TMEM245: variants seen among roughly 807,000 people sequenced by gnomAD.
The protein encoded by TMEM245 is protein CG-2.
TMEM245 carries 69 observed loss-of-function variants against 101.2 expected under a neutral mutation model. The ratio of observed to expected loss-of-function variants is 0.68; its 90% CI spans 0.56 to 0.83. The LOEUF (loss-of-function observed/expected upper bound fraction) is 0.83, where lower values mean the gene tolerates loss of function less well. Ranked by LOEUF, TMEM245 falls within the 40% of genes least tolerant of loss-of-function variation. TMEM245 has a pLI of 0.00. For synonymous variants in TMEM245, 537 were observed against 449.8 expected, an observed-to-expected ratio of 1.19 and a Z score of -2.45; for missense variants, 1,075 against 1,092.8, an observed-to-expected ratio of 0.98 and a Z score of 0.23.
At position 109,033,450 on chromosome 9, in the gene TMEM245, G is replaced by A. The variant is rs1256176819; in HGVS notation, c.2451C>T (p.Tyr817=). Residue 817 remains tyrosine, a synonymous_variant, in exon 17 of 18, where the codon TAC becomes TAT. Coordinates refer to ENST00000374586, the MANE Select transcript of TMEM245 (RefSeq NM_032012.4). ...CGATGATTGCTCCTTCCAGGCCTAG[G>A]TAGTATGCTCCACCGGCCACTGCCA... The part of the protein sequence containing the change: ...TGLAVAGGAY[Y]LGLEGAIIGP... The A allele has an allele frequency of 2.5e-6, 4 of 1,613,566 alleles. No individual in the cohort carries two copies. In the South Asian group the frequency reaches 4.4e-5, roughly 18 times the overall value.
chr9:109,091,972 T>C (rs981239001), intron 4 of TMEM245, among the ~76,000 whole-genome samples: 9 of 152,186 alleles, frequency 5.9e-5, no homozygotes, highest in African/African-American at 1.7e-4. Context: ...TCACGTTGAA[T>C]GTGTGGATTG....
Position 109,094,921 on chromosome 9 carries a change from T to C in TMEM245, c.800-1330A>G, listed in dbSNP as rs969026673. Among the ~76,000 whole-genome samples the C allele has an allele frequency of 3.3e-5, 5 of 152,094 alleles. No individual in the cohort carries two copies. The East Asian group carries it at 9.6e-4, about 29-fold the overall frequency. On this transcript the variant is annotated intron_variant, in intron 3 of 17. Coordinates refer to ENST00000374586, the MANE Select transcript of TMEM245 (RefSeq NM_032012.4). ...AAAGCCGATGAATTTCAGCTCCAAG[T>C]TAATTAACTCCACATACCCAAATAT...
intron 3 of TMEM245, among the ~76,000 whole-genome samples, chr9:109,094,509 A>G (rs1830088699): frequency 6.6e-6 from 1 of 152,230 alleles, no homozygotes; most frequent in Admixed American, 6.5e-5. Context: ...GTTTTTCCGC[A>G]GCAACTTAGC....
At chr9:109,072,197 C>T (rs1007619369) in intron 9 of TMEM245, among the ~76,000 whole-genome samples, 1 of 152,204 alleles carries the variant, frequency 6.6e-6, no homozygotes, top group East Asian at 1.9e-4. Context: ...TGTTCCCATA[C>T]TCAGAGCAAG....
chr9:109,033,331 G>A lies in TMEM245; in HGVS notation c.2570C>T (p.Thr857Ile). Residue 857 changes from threonine (T) to isoleucine (I), a missense_variant, in exon 17 of 18, where the codon ACC becomes ATC. This residue lies in a region of TMEM245 where 267 missense variants were observed against 351.3 expected (regional missense o/e 0.76). Transcript: ENST00000374586. Reference protein sequence around the residue: ...PTNSVPTPNQTPWPAQPQRTF... With the variant: ...PTNSVPTPNQIPWPAQPQRTF... ...CCGCTGAGGCTGAGCAGGCCATGGGGTCTGGTTTGGCGTGGGAACTGAATT... is the reference window on the plus strand; with the variant it reads ...CCGCTGAGGCTGAGCAGGCCATGGGATCTGGTTTGGCGTGGGAACTGAATT... The A allele has an allele frequency of 6.2e-7, 1 of 1,612,244 alleles. No homozygotes were observed. The highest frequency in any genetic ancestry group is 1.1e-5 in the South Asian group (1 of 90,694).
intron 17 of TMEM245, among the ~76,000 whole-genome samples, chr9:109,021,328 T>C (rs1467813833): frequency 6.6e-6 from 1 of 152,220 alleles, no homozygotes. Flanking sequence ...ACACCAAGGC[T>C]GGCAGTACAT....
chr9:109,113,376 G>C lies in TMEM245; in HGVS notation c.580-4806C>G, dbSNP rs147130205. 2.0e-3 allele frequency among the ~76,000 whole-genome samples: 302 copies of C among 152,308 alleles called. 3 individuals carry two copies. The highest frequency in any genetic ancestry group is 6.7e-3 in the African/African-American group (277 of 41,566). On this transcript the variant is annotated intron_variant, in intron 1 of 17. Coordinates refer to ENST00000374586, the MANE Select transcript of TMEM245 (RefSeq NM_032012.4). ...AGCCTCTGAGCAAACCTATTCAAGT[G>C]TGAATTTTATTCCAGGCATTAAATC...
intron 16 of TMEM245, among the ~76,000 whole-genome samples, chr9:109,034,351 T>A (rs879858094): frequency 6.6e-6 from 1 of 152,264 alleles, no homozygotes; most frequent in Non-Finnish European, 1.5e-5. Context: ...ATTATATTCA[T>A]AATGTGTTTG....
At chr9:109,073,000 T>A (rs536374693) in intron 9 of TMEM245, among the ~76,000 whole-genome samples, 1 of 152,360 alleles carries the variant, frequency 6.6e-6, no homozygotes, top group East Asian at 1.9e-4. Context: ...TAACCTTTGA[T>A]CTTGTTTCCT....
chr9:109,093,512 T>C lies in TMEM245; in HGVS notation c.879A>G (p.Glu293=). The stretch of plus-strand genomic sequence containing the variant: ...TGGAGGGCTGGTCTTCACTGCTTGA[T>C]TCATACCCTGTGATAGAGATGGCCA... ...ANLAISITGY[E]SSSEDQPSTQ... is the part of the protein sequence containing the mutation. The change falls in exon 4 of 18, where the codon GAA becomes GAG. Residue 293 remains glutamate (E), a synonymous_variant. Transcript: ENST00000374586. 4 of 1,614,106 alleles carry C rather than the reference T, an allele frequency of 2.5e-6. No homozygotes were observed. Among genetic ancestry groups the C allele is most frequent in the Non-Finnish European group, 3.4e-6 (4 of 1,180,000 alleles).
At chr9:109,029,276 A>G (rs1249617805) in intron 17 of TMEM245, among the ~76,000 whole-genome samples, 1 of 152,240 alleles carries the variant, frequency 6.6e-6, no homozygotes, top group Non-Finnish European at 1.5e-5. Flanking sequence ...AGAAAAGGAA[A>G]TCATGAAACA....
intron 10 of TMEM245, among the ~76,000 whole-genome samples, chr9:109,061,717 C>T (rs1442458342): frequency 5.9e-5 from 9 of 151,888 alleles, no homozygotes; most frequent in Admixed American, 5.3e-4. Context: ...TACAGGTGTG[C>T]GCCCCCACAC....
At chr9:109,073,269 C>T (rs1368618892) in intron 9 of TMEM245, 87 bp downstream of exon 9, 2 of 960,562 alleles carry the variant, frequency 2.1e-6, no homozygotes, top group East Asian at 2.4e-5. Context: ...TCTTCCAATG[C>T]AGCTGCATCA....
rs555192977 is a variant in TMEM245, at chr9:109,037,931, G to A, written c.2224+86C>T. ...CCAAAAAATTTAGTTTTTTAAACTTGAGGAAGTAGACATTTCCTAGATGTA... is the reference window on the plus strand; with the variant it reads ...CCAAAAAATTTAGTTTTTTAAACTTAAGGAAGTAGACATTTCCTAGATGTA... On this transcript the variant is annotated intron_variant, in intron 15 of 17. Transcript: ENST00000374586. 10 of 1,117,108 alleles carry A rather than the reference G, an allele frequency of 9.0e-6. No individual in the cohort carries two copies. The East Asian group carries it at 2.4e-4, about 27-fold the overall frequency. The allele number at this position is 1,117,108 out of a possible 1,614,324, so 69.2% of individuals were successfully genotyped here. A position where few individuals can be genotyped will look rare whatever the true frequency, so the allele number is the denominator to read the frequency against.
chr9:109,116,032 T>C (rs1830716019), intron 1 of TMEM245, among the ~76,000 whole-genome samples: 1 of 152,154 alleles, frequency 6.6e-6, no homozygotes, highest in Non-Finnish European at 1.5e-5. Context: ...CATAAGACAT[T>C]GAGAGAATGA....
chr9:109,077,486 T>C (rs781669808), intron 8 of TMEM245, among the ~76,000 whole-genome samples: 1 of 152,226 alleles, frequency 6.6e-6, no homozygotes, highest in Non-Finnish European at 1.5e-5. Context: ...TATTATTTTC[T>C]AACTACTTAT....
intron 12 of TMEM245, among the ~76,000 whole-genome samples, chr9:109,055,930 G>A (rs1035688720): frequency 2.0e-5 from 3 of 152,064 alleles, no homozygotes; most frequent in Non-Finnish European, 4.4e-5. Flanking sequence ...CACCACGCCC[G>A]GCCTCAATCA....
chr9:109,071,136 C>T (rs1336857282), intron 9 of TMEM245, among the ~76,000 whole-genome samples: 2 of 152,038 alleles, frequency 1.3e-5, no homozygotes, highest in African/African-American at 2.4e-5. Flanking sequence ...CCGCCTCGGC[C>T]TCCCAAAGTG....
Position 109,119,289 on chromosome 9 carries a change from G to T in TMEM245, c.579+46C>A, listed in dbSNP as rs151330192. The T allele has an allele frequency of 9.0e-4, 1,350 of 1,497,390 alleles. 11 individuals are homozygous for T. The African/African-American group carries it at 0.017, about 19-fold the overall frequency. 92.8% of individuals were successfully genotyped at this position (1,497,390 alleles called of 1,614,324 possible). A position where few individuals can be genotyped will look rare whatever the true frequency, so the allele number is the denominator to read the frequency against. On this transcript the variant is annotated intron_variant, in intron 1 of 17. Transcript: ENST00000374586. ...CAGCTGCAGGATTGCACCCCAGAGC[G>T]CCGGGACCACGGGCGGGGGACGGGG...
Sources: allele counts gnomAD v4.1 joint callset (sites outside exome capture counted in the v4.1 genomes callset), GRCh38; gene constraint gnomAD v4.1.1; regional missense constraint gnomAD v4.1.1; transcripts MANE v1.5; gene names NCBI Gene and HGNC (gene_info 2026-07-23, HGNC 2026-07-21).